BPTF: variants seen among roughly 807,000 people sequenced by gnomAD.
BPTF encodes the protein bromodomain PHD finger transcription factor.
BPTF carries 18 observed loss-of-function variants against 292.5 expected under a neutral mutation model. The observed-to-expected ratio is 0.06, with a 90% CI of 0.04 to 0.09. BPTF has a LOEUF of 0.09. Ranked by LOEUF, BPTF falls within the 10% of genes least tolerant of loss-of-function variation. The pLI, the probability that BPTF is intolerant of heterozygous loss-of-function variation, is 1.00. For synonymous variants in BPTF, 1,225 were observed against 1,251.9 expected, an observed-to-expected ratio of 0.98 and a Z score of 0.45; for missense variants, 2,726 against 3,498.7, an observed-to-expected ratio of 0.78 and a Z score of 5.57.
rs117652432 is a variant in BPTF, at chr17:67,984,296, G to A, written c.*2008G>A. On this transcript the variant is annotated 3_prime_UTR_variant, in exon 28 of 28. Coordinates refer to ENST00000306378, the MANE Select transcript of BPTF (RefSeq NM_182641.4). ...TAGATTGCTATGTTTTTAACAAATT[G>A]TGGCAAATTCTAAACAGCAATTCTT... 2.6e-5 allele frequency: 4 copies of A among 152,630 alleles called. No individual in the cohort carries two copies. The highest frequency in any genetic ancestry group is 2.9e-5 in the Non-Finnish European group (2 of 68,008). 9.5% of individuals were successfully genotyped at this position (152,630 alleles called of 1,614,324 possible).
At chr17:67,861,528 C>A (rs1294896130) in intron 2 of BPTF, among the ~76,000 whole-genome samples, 3 of 151,990 alleles carry the variant, frequency 2.0e-5, no homozygotes, top group Admixed American at 6.6e-5. Flanking sequence ...GTTGGCCAGG[C>A]TGATATTGAA....
chr17:67,889,821 A>T (rs368114595), intron 4 of BPTF, among the ~76,000 whole-genome samples: 1 of 152,136 alleles, frequency 6.6e-6, no homozygotes, highest in African/African-American at 2.4e-5. Flanking sequence ...AAAAAAGAAA[A>T]AAAACCTCCA....
At chr17:67,923,031 T>C in intron 14 of BPTF, 41 bp downstream of exon 14, 5 of 1,576,238 alleles carry the variant, frequency 3.2e-6, no homozygotes, top group Non-Finnish European at 4.3e-6. Context: ...TTTGAAGATT[T>C]TATCACTTCA....
In BPTF at chr17:67,826,076, C is replaced by T. The variant is rs745793693; in HGVS notation, c.352C>T (p.Arg118Trp). 3.1e-6 allele frequency: 4 copies of T among 1,294,820 alleles called. No homozygotes were observed. The highest frequency in any genetic ancestry group is 4.2e-6 in the Non-Finnish European group (4 of 951,614). The allele number at this position is 1,294,820 out of a possible 1,614,324, so 80.2% of individuals were successfully genotyped here. A position where few individuals can be genotyped will look rare whatever the true frequency, so the allele number is the denominator to read the frequency against. ...CCACCTGGCCCGGACCACCGCGGCC[C>T]GGAGGGCCGTCAACAAAGTGGTGTA... ...GGHLARTTAA[R>W]RAVNKVVYDD... The change falls in exon 1 of 28, where the codon CGG becomes TGG. Residue 118 changes from arginine (R) to tryptophan (W), a missense_variant. Physicochemically the swap from Arg to Trp is moderately radical, Grantham distance 101 (BLOSUM62 -3). This residue lies in a region of BPTF where 153 missense variants were observed against 178.3 expected (regional missense o/e 0.86). Transcript: ENST00000306378.
intron 26 of BPTF, 46 bp downstream of exon 26, chr17:67,966,702 A>C: frequency 7.3e-7 from 1 of 1,368,780 alleles, no homozygotes. Context: ...GTCTCAGTGG[A>C]TGTTTTATTA....
intron 23 of BPTF, among the ~76,000 whole-genome samples, chr17:67,954,234 G>T (rs1555679927): frequency 6.6e-6 from 1 of 150,794 alleles, no homozygotes; most frequent in African/African-American, 2.4e-5. Flanking sequence ...TTGCCATGTT[G>T]CCCAGGCTGG....
chr17:67,851,005 G>A (rs2058361895), intron 1 of BPTF, among the ~76,000 whole-genome samples: 1 of 152,124 alleles, frequency 6.6e-6, no homozygotes, highest in Non-Finnish European at 1.5e-5. Flanking sequence ...AAATTGTAAT[G>A]GAAAGAGGAG....
At chr17:67,883,740 AC>A (rs2060571350) in intron 4 of BPTF, among the ~76,000 whole-genome samples, 1 of 152,074 alleles carries the variant, frequency 6.6e-6, no homozygotes, top group Non-Finnish European at 1.5e-5. Flanking sequence ...AGCTGGGATT[AC>A]AGGCGCCTGC....
intron 15 of BPTF, among the ~76,000 whole-genome samples, chr17:67,925,015 C>G (rs1343431407): frequency 4.1e-5 from 6 of 147,474 alleles, no homozygotes; most frequent in African/African-American, 1.0e-4. Context: ...TCCCAAAGTG[C>G]TGGGATTTTG....
Position 67,866,570 on chromosome 17 carries a change from G to A in BPTF, c.1543G>A (p.Glu515Lys), listed in dbSNP as rs757795135. 12 of 1,614,092 alleles carry A rather than the reference G, an allele frequency of 7.4e-6. 1 individual carries two copies. In the South Asian group the frequency reaches 1.2e-4, roughly 16 times the overall value. Residue 515 changes from glutamate to lysine, a missense_variant, in exon 3 of 28, where the codon GAA becomes AAA. By Grantham distance (56) the Glu-to-Lys change is moderately conservative. Transcript: ENST00000306378. ...TCTAGACAAAGATTATTGGGAAGCA[G>A]AACTCTGCAAAATTCTAGAAGAAAT... is the stretch of plus-strand genomic sequence containing the variant. The part of the protein sequence containing the change: ...DCLDKDYWEA[E>K]LCKILEEMRE...
rs568426272 is a variant in BPTF, at chr17:67,905,136, G to A, written c.2812+296G>A. On this transcript the variant is annotated intron_variant, in intron 9 of 27. Coordinates refer to ENST00000306378, the MANE Select transcript of BPTF (RefSeq NM_182641.4). ...TTAAATTTAGGCCAGGCAGCCAGGC[G>A]CGGTGGTTCACGCCTGTAATCCCAG... Among the ~76,000 whole-genome samples, 15 of 152,270 alleles carry A rather than the reference G, an allele frequency of 9.9e-5. No individual in the cohort carries two copies. The South Asian group carries it at 1.9e-3, about 19-fold the overall frequency.
Position 67,945,816 on chromosome 17 carries a change from A to G in BPTF, c.7108A>G (p.Thr2370Ala), listed in dbSNP as rs897811249. ...SPGQQSQVQT[T>A]TSQPIPIQPH... Reference sequence around the variant, plus strand: ...TGGACAACAATCCCAGGTTCAGACTACAACCTCACAACCGATTCCAATTCA... The same window carrying G: ...TGGACAACAATCCCAGGTTCAGACTGCAACCTCACAACCGATTCCAATTCA... Residue 2370 changes from threonine to alanine, a missense_variant, in exon 21 of 28, where the codon ACA becomes GCA. Transcript: ENST00000306378. The G allele has an allele frequency of 6.2e-7, 1 of 1,614,218 alleles. No individual in the cohort carries two copies. The highest frequency in any genetic ancestry group is 8.5e-7 in the Non-Finnish European group (1 of 1,180,038).
chr17:67,911,949 A>C lies in BPTF; in HGVS notation c.4065A>C (p.Glu1355Asp). ...ACAGGCTGCCGGTCAAGGGGACTGA[A>C]GCAAATGGTAAAAAACCAAGTCAGC... ...CEDRLPVKGTEANGKKPSQQK... is the reference protein window; with the variant it reads ...CEDRLPVKGTDANGKKPSQQK... The change falls in exon 11 of 28, where the codon GAA (glutamate) becomes GAC (aspartate). Residue 1355 changes from glutamate (E) to aspartate (D), a missense_variant. Coordinates refer to ENST00000306378, the MANE Select transcript of BPTF (RefSeq NM_182641.4). The C allele has an allele frequency of 6.2e-7, 1 of 1,614,194 alleles. No individual in the cohort carries two copies. Among genetic ancestry groups the C allele is most frequent in the Non-Finnish European group, 8.5e-7 (1 of 1,180,032 alleles).
chr17:67,965,579 GTAATC>G (rs1568202676), intron 25 of BPTF: 1 of 149,600 alleles, frequency 6.7e-6, no homozygotes, highest in African/African-American at 2.5e-5. Context: ...GTGCACACCT[GTAATC>G]CCAGCTACTA....
At position 67,945,456 on chromosome 17, in the gene BPTF, C is replaced by G; in HGVS notation, c.6748C>G (p.His2250Asp). 1.2e-6 allele frequency: 2 copies of G among 1,614,096 alleles called. No homozygotes were observed. The highest frequency in any genetic ancestry group is 2.7e-5 in the African/African-American group (2 of 75,030). Reference sequence around the variant, plus strand: ...TAAACTGTCACCCCAGATGCAGGTACATCAAGACAAAACCCTGCCACCAGC... The same window carrying G: ...TAAACTGTCACCCCAGATGCAGGTAGATCAAGACAAAACCCTGCCACCAGC... ...QSKLSPQMQVHQDKTLPPAQS... is the reference protein window; with the variant it reads ...QSKLSPQMQVDQDKTLPPAQS... Residue 2250 changes from histidine to aspartate, a missense_variant, in exon 21 of 28, where the codon CAT becomes GAT. His to Asp is a moderately conservative substitution (Grantham distance 81). This residue lies in a region of BPTF where 570 missense variants were observed against 633.5 expected (regional missense o/e 0.90). Coordinates refer to ENST00000306378, the MANE Select transcript of BPTF (RefSeq NM_182641.4).
chr17:67,903,740 C>T, intron 7 of BPTF, 49 bp from the exon 8 acceptor site: 2 of 1,454,054 alleles, frequency 1.4e-6, no homozygotes, highest in South Asian at 1.5e-5. Context: ...TTTATCTTTT[C>T]TGTTTATTTT....
chr17:67,826,071 C>A lies in BPTF; in HGVS notation c.347C>A (p.Ala116Glu), dbSNP rs535044085. The A allele has an allele frequency of 6.3e-6, 8 of 1,279,538 alleles. No individual in the cohort carries two copies. The highest frequency in any genetic ancestry group is 2.5e-5 in the Admixed American group (1 of 39,818). The allele number at this position is 1,279,538 out of a possible 1,614,324, so 79.3% of individuals were successfully genotyped here. ...GGGGHLARTTAARRAVNKVVY... is the reference protein window; with the variant it reads ...GGGGHLARTTEARRAVNKVVY... ...GGCGGCCACCTGGCCCGGACCACCGCGGCCCGGAGGGCCGTCAACAAAGTG... is the reference window on the plus strand; with the variant it reads ...GGCGGCCACCTGGCCCGGACCACCGAGGCCCGGAGGGCCGTCAACAAAGTG... Residue 116 changes from alanine to glutamate, a missense_variant, in exon 1 of 28, where the codon GCG (alanine) becomes GAG (glutamate). Around this residue, in one of 22 missense-constraint regions of BPTF, gnomAD observed 153 missense variants for 178.3 expected, o/e 0.86. Transcript: ENST00000306378.
chr17:67,911,232 G>A lies in BPTF; in HGVS notation c.3348G>A (p.Gln1116=). Residue 1116 remains glutamine, a synonymous_variant, in exon 11 of 28, where the codon CAG becomes CAA. Coordinates refer to ENST00000306378, the MANE Select transcript of BPTF (RefSeq NM_182641.4). The part of the protein sequence containing the change: ...PVITKAKEGC[Q]SDSMRQEQSP... Reference sequence around the variant, plus strand: ...TAACGAAAGCAAAAGAAGGGTGTCAGAGTGACTCGATGAGACAAGAACAGA... The same window carrying A: ...TAACGAAAGCAAAAGAAGGGTGTCAAAGTGACTCGATGAGACAAGAACAGA... 6.2e-7 allele frequency: 1 copy of A among 1,614,016 alleles called. No individual in the cohort carries two copies. Among genetic ancestry groups the A allele is most frequent in the Non-Finnish European group, 8.5e-7 (1 of 1,179,992 alleles).
intron 18 of BPTF, among the ~76,000 whole-genome samples, chr17:67,935,758 G>A (rs1306839167): frequency 2.6e-5 from 4 of 152,188 alleles, no homozygotes; most frequent in Non-Finnish European, 4.4e-5. Flanking sequence ...TGAGGTCAAG[G>A]CAGGGAGAAT....
Sources: allele counts gnomAD v4.1 joint callset (sites outside exome capture counted in the v4.1 genomes callset), GRCh38; gene constraint gnomAD v4.1.1; regional missense constraint gnomAD v4.1.1; transcripts MANE v1.5; gene names NCBI Gene and HGNC (gene_info 2026-07-23, HGNC 2026-07-21).